ENTPD1: variants seen among roughly 807,000 people sequenced by gnomAD.
ENTPD1 encodes ATP diphosphohydrolase.
In ENTPD1, 33 loss-of-function variants were observed where a neutral mutation model predicts 57.0. That is an observed-to-expected ratio of 0.58 (90% CI 0.44 to 0.77). ENTPD1 has a LOEUF of 0.77. Ranked by LOEUF, ENTPD1 falls within the 30% of genes least tolerant of loss-of-function variation. The pLI is 0.00. For synonymous variants in ENTPD1, 202 were observed against 218.8 expected (o/e 0.92, Z 0.68); for missense variants, 501 against 603.4 (o/e 0.83, Z 1.78).
At chr10:95,704,935 G>T in the ENTPD1 span, among the ~76,000 whole-genome samples, 4 of 151,634 alleles carry the variant, frequency 2.6e-5, no homozygotes, top group African/African-American at 9.7e-5. Context: ...CCCAGAATAC[G>T]TAAAGAATCC....
At position 95,871,901 on chromosome 10, in the gene ENTPD1, GAA is replaced by G. The variant is rs2098480891; in HGVS notation, c.*5522_*5523del. On this transcript the variant is annotated 3_prime_UTR_variant, in exon 10 of 10. Transcript: ENST00000371205. ...AATGAAGTTCTAAGAAGAGAGGGAA[GAA>G]AAAGTCTTGGGAGCTAGTCAGGGAA... 2 of 985,392 alleles carry G rather than the reference GAA, an allele frequency of 2.0e-6. No homozygotes were observed. Among genetic ancestry groups the G allele is most frequent in the Non-Finnish European group, 2.4e-6 (2 of 829,912 alleles). The allele number at this position is 985,392 out of a possible 1,614,324, so 61.0% of individuals were successfully genotyped here. A position where few individuals can be genotyped will look rare whatever the true frequency, so the allele number is the denominator to read the frequency against.
intron 2 of ENTPD1, among the ~76,000 whole-genome samples, chr10:95,837,082 C>T (rs1411137210): frequency 6.6e-6 from 1 of 152,130 alleles, no homozygotes; most frequent in African/African-American, 2.4e-5. Flanking sequence ...TCAAATGAAA[C>T]GTAGTAAAAG....
intron 1 of ENTPD1, among the ~76,000 whole-genome samples, chr10:95,717,063 G>A (rs1262482394): frequency 6.6e-6 from 1 of 152,214 alleles, no homozygotes; most frequent in Non-Finnish European, 1.5e-5. Context: ...GGCCGTGTGG[G>A]ATTTAGGCAT....
intron 1 of ENTPD1, among the ~76,000 whole-genome samples, chr10:95,746,378 C>T (rs929051297): frequency 7.9e-5 from 12 of 151,994 alleles, no homozygotes; most frequent in African/African-American, 1.2e-4. Flanking sequence ...CAGAAGGGCT[C>T]GCTAACTTGT....
intron 1 of ENTPD1, among the ~76,000 whole-genome samples, chr10:95,821,174 C>T (rs1044698836): frequency 2.0e-5 from 3 of 152,172 alleles, no homozygotes; most frequent in Admixed American, 6.5e-5. Flanking sequence ...GGTTCTTTTC[C>T]AGATTCCAGA....
At chr10:95,846,595 T>C (rs1355595799) in intron 6 of ENTPD1, among the ~76,000 whole-genome samples, 1 of 151,846 alleles carries the variant, frequency 6.6e-6, no homozygotes, top group East Asian at 1.9e-4. Context: ...GTCCTGGGAG[T>C]AGGGGGCGCT....
chr10:95,698,698 C>T, the ENTPD1 span, among the ~76,000 whole-genome samples: 1 of 152,256 alleles, frequency 6.6e-6, no homozygotes, highest in East Asian at 1.9e-4. Flanking sequence ...CAAGATGGCT[C>T]TCACCAGGTA....
At chr10:95,754,148 A>C (rs549871048), upstream of ENTPD1, 23 of 152,046 alleles carry the variant, frequency 1.5e-4, no homozygotes, top group African/African-American at 5.5e-4. Flanking sequence ...ATCTCTACTA[A>C]AAATACACAA....
chr10:95,828,709 ATTTT>A (rs5787162), intron 2 of ENTPD1, among the ~76,000 whole-genome samples: 2 of 132,136 alleles, frequency 1.5e-5, no homozygotes, highest in Non-Finnish European at 1.6e-5. Flanking sequence ...GGTTATCCCC[ATTTT>A]TTTTTTTTTT....
At chr10:95,803,125 T>G (rs2098257361) in intron 1 of ENTPD1, among the ~76,000 whole-genome samples, 1 of 152,224 alleles carries the variant, frequency 6.6e-6, no homozygotes, top group Admixed American at 6.5e-5. Context: ...GGAATAGCAT[T>G]GAATCTATAA....
At chr10:95,713,165 T>C (rs528819265) in intron 1 of ENTPD1, among the ~76,000 whole-genome samples, 3 of 152,316 alleles carry the variant, frequency 2.0e-5, no homozygotes, top group Admixed American at 2.0e-4. Flanking sequence ...CTTGTTTATA[T>C]AGTAAAAACT....
chr10:95,724,899 G>A (rs1299145810), intron 1 of ENTPD1, among the ~76,000 whole-genome samples: 2 of 152,212 alleles, frequency 1.3e-5, no homozygotes, highest in African/African-American at 4.8e-5. Flanking sequence ...TAAAATTTGA[G>A]AAGTTTTGGG....
In ENTPD1 at chr10:95,874,200, A is replaced by G. The variant is rs1590239939; in HGVS notation, c.*7817A>G. Reference sequence around the variant, plus strand: ...ATCTGAGACAAGGCAAGTCCCTTCCACTTACAAGCCTGTAAAAGCAAGCTA... The same window carrying G: ...ATCTGAGACAAGGCAAGTCCCTTCCGCTTACAAGCCTGTAAAAGCAAGCTA... On this transcript the variant is annotated 3_prime_UTR_variant, in exon 10 of 10. Transcript: ENST00000371205. Among the ~76,000 whole-genome samples the G allele has an allele frequency of 6.6e-6, 1 of 152,314 alleles. No homozygotes were observed. Among genetic ancestry groups the G allele is most frequent in the East Asian group, 1.9e-4 (1 of 5,188 alleles).
chr10:95,739,437 A>G (rs1421877149), intron 1 of ENTPD1, among the ~76,000 whole-genome samples: 1 of 152,198 alleles, frequency 6.6e-6, no homozygotes, highest in Non-Finnish European at 1.5e-5. Flanking sequence ...CTGTCATTTC[A>G]ACGATGTTCA....
intron 2 of ENTPD1, among the ~76,000 whole-genome samples, chr10:95,838,858 TTC>T (rs1483029916): frequency 2.6e-5 from 4 of 152,328 alleles, no homozygotes; most frequent in Non-Finnish European, 4.4e-5. Context: ...TGTGTATAGT[TTC>T]TGTTTCTAGT....
chr10:95,828,786 C>T (rs920795993), intron 2 of ENTPD1, among the ~76,000 whole-genome samples: 3 of 151,028 alleles, frequency 2.0e-5, no homozygotes, highest in Non-Finnish European at 2.9e-5. Flanking sequence ...TCTCGGCTCA[C>T]CGCAATCTCT....
intron 1 of ENTPD1, among the ~76,000 whole-genome samples, chr10:95,776,855 T>C (rs10882663): frequency 0.54 from 81,968 of 151,992 alleles, 22,527 homozygotes; most frequent in Admixed American, 0.63. Context: ...TTTCTCTAAA[T>C]TTCTCTTCTC....
chr10:95,840,449 C>G (rs2098420067), intron 3 of ENTPD1, among the ~76,000 whole-genome samples: 1 of 152,130 alleles, frequency 6.6e-6, no homozygotes, highest in African/African-American at 2.4e-5. Context: ...TGATCTACAG[C>G]TTGGAAGACA....
intron 1 of ENTPD1, among the ~76,000 whole-genome samples, chr10:95,787,850 G>A (rs1057178132): frequency 2.0e-5 from 3 of 152,102 alleles, no homozygotes; most frequent in Admixed American, 6.6e-5. Context: ...TATGTGAAGT[G>A]CCTACTACAG....
Sources: allele counts gnomAD v4.1 joint callset (sites outside exome capture counted in the v4.1 genomes callset), GRCh38; gene constraint gnomAD v4.1.1; transcripts MANE v1.5; gene names NCBI Gene and HGNC (gene_info 2026-07-23, HGNC 2026-07-21).